The following PARVA variants were observed in gnomAD, a reference collection of about 807,000 sequenced individuals.
PARVA encodes the protein parvin alpha.
PARVA carries 25 observed loss-of-function variants against 52.6 expected under a neutral mutation model. The ratio of observed to expected loss-of-function variants is 0.48; its 90% CI spans 0.35 to 0.66. The LOEUF (loss-of-function observed/expected upper bound fraction) is 0.66, where lower values mean the gene tolerates loss of function less well. Ranked by LOEUF, PARVA falls within the 30% of genes least tolerant of loss-of-function variation. The probability of loss-of-function intolerance (pLI) is 0.01; values close to 1 mark genes in which losing one functional copy is unlikely to be tolerated. For synonymous variants in PARVA, 185 were observed against 179.1 expected (o/e 1.03, Z -0.26); for missense variants, 373 against 450.9 (o/e 0.83, Z 1.56).
At chr11:12,431,578 C>G (rs1274618243) in intron 1 of PARVA, among the ~76,000 whole-genome samples, 2 of 152,244 alleles carry the variant, frequency 1.3e-5, no homozygotes, top group African/African-American at 4.8e-5. Context: ...TTCCCACACC[C>G]TAGGTCTTTT....
chr11:12,518,610 T>C (rs1355232046), intron 12 of PARVA, 93 bp downstream of exon 12: 12 of 932,968 alleles, frequency 1.3e-5, no homozygotes, highest in Non-Finnish European at 2.1e-5. Flanking sequence ...AAGCATTTTC[T>C]GAAGCCTTCG....
At chr11:12,459,296 T>C (rs558823420) in intron 1 of PARVA, among the ~76,000 whole-genome samples, 1 of 151,970 alleles carries the variant, frequency 6.6e-6, no homozygotes, top group East Asian at 1.9e-4. Context: ...TCCCAGCTAC[T>C]CAGGAGGTTA....
intron 1 of PARVA, among the ~76,000 whole-genome samples, chr11:12,394,216 C>T (rs1273551460): frequency 6.6e-6 from 1 of 152,056 alleles, no homozygotes; most frequent in Non-Finnish European, 1.5e-5. Context: ...GCTTGGAATG[C>T]CCCCACACAA....
intron 4 of PARVA, among the ~76,000 whole-genome samples, chr11:12,483,540 C>T (rs1398173662): frequency 6.6e-6 from 1 of 152,186 alleles, no homozygotes; most frequent in Non-Finnish European, 1.5e-5. Flanking sequence ...GCTCCTTTCC[C>T]CCTGTGGTTG....
intron 4 of PARVA, among the ~76,000 whole-genome samples, chr11:12,485,857 C>T (rs1415590004): frequency 1.3e-5 from 2 of 152,104 alleles, no homozygotes; most frequent in Admixed American, 6.5e-5. Flanking sequence ...CCTCCCCAGC[C>T]TACCCATGAG....
chr11:12,402,855 G>A (rs78094083), intron 1 of PARVA, among the ~76,000 whole-genome samples: 5 of 152,198 alleles, frequency 3.3e-5, no homozygotes, highest in South Asian at 2.1e-4. Context: ...TCTCATTTTC[G>A]TACTCGGAGT....
intron 7 of PARVA, among the ~76,000 whole-genome samples, chr11:12,510,700 G>A (rs1941493593): frequency 6.6e-6 from 1 of 152,132 alleles, no homozygotes; most frequent in South Asian, 2.1e-4. Context: ...AGCAAAAGAG[G>A]AAATCCTGAT....
At chr11:12,414,383 CTT>C (rs146370902) in intron 1 of PARVA, among the ~76,000 whole-genome samples, 4,793 of 152,272 alleles carry the variant, frequency 0.031, 249 homozygotes, top group African/African-American at 0.11. Flanking sequence ...AAATGCGAAA[CTT>C]TTGTGTTAGC....
chr11:12,510,579 G>A (rs915637971), intron 7 of PARVA, among the ~76,000 whole-genome samples: 1 of 133,436 alleles, frequency 7.5e-6, no homozygotes, highest in Non-Finnish European at 1.6e-5. Flanking sequence ...GAAAAATGGT[G>A]AAAAATGGTT....
chr11:12,441,386 A>G (rs533406506), intron 1 of PARVA, among the ~76,000 whole-genome samples: 1 of 152,064 alleles, frequency 6.6e-6, no homozygotes, highest in East Asian at 1.9e-4. Flanking sequence ...ATCACTCTCC[A>G]AGTGAGATCA....
intron 1 of PARVA, among the ~76,000 whole-genome samples, chr11:12,380,626 C>T (rs112891340): frequency 7.3e-5 from 11 of 150,824 alleles, no homozygotes; most frequent in South Asian, 4.2e-4. Flanking sequence ...ACAGTGGGGA[C>T]GGTGGAAATG....
At chr11:12,449,464 T>TA (rs1564849935) in intron 1 of PARVA, among the ~76,000 whole-genome samples, 1 of 152,178 alleles carries the variant, frequency 6.6e-6, no homozygotes, top group Admixed American at 6.5e-5. Flanking sequence ...TGGCGGGACA[T>TA]ACATTTAAAA....
rs115171508 is a variant in PARVA at position 12,411,723 on chromosome 11, C to T, written c.136+33940C>T. Among the ~76,000 whole-genome samples the T allele has an allele frequency of 1.9e-3, 292 of 152,272 alleles. 2 individuals carry two copies. The highest frequency in any genetic ancestry group is 6.8e-3 in the African/African-American group (282 of 41,548). On this transcript the variant is annotated intron_variant, in intron 1 of 12. Coordinates refer to ENST00000334956, the MANE Select transcript of PARVA (RefSeq NM_018222.5). ...AAAGTTAGCAGATTATGGATGACCA[C>T]TCCAGTTTTCCCTTGGTCTCAGCAT... is the stretch of plus-strand genomic sequence containing the variant.
intron 1 of PARVA, among the ~76,000 whole-genome samples, chr11:12,399,305 G>A (rs922015683): frequency 1.3e-5 from 2 of 152,140 alleles, no homozygotes; most frequent in Non-Finnish European, 2.9e-5. Flanking sequence ...TTTTCCCACA[G>A]TGCTACTACC....
chr11:12,489,230 T>A (rs1376403478), intron 4 of PARVA, among the ~76,000 whole-genome samples: 2 of 150,418 alleles, frequency 1.3e-5, no homozygotes, highest in East Asian at 3.9e-4. Context: ...GTTTAATATG[T>A]CAAAATAAAT....
chr11:12,512,425 G>A (rs1941513488), intron 8 of PARVA, among the ~76,000 whole-genome samples: 1 of 152,162 alleles, frequency 6.6e-6, no homozygotes, highest in South Asian at 2.1e-4. Context: ...TGCCAGAGTT[G>A]GAAAAGGCAG....
intron 1 of PARVA, among the ~76,000 whole-genome samples, chr11:12,470,811 T>C (rs1047862049): frequency 1.3e-5 from 2 of 152,128 alleles, no homozygotes; most frequent in Admixed American, 6.5e-5. Flanking sequence ...AGTGGGAGAA[T>C]GTATGATCCT....
chr11:12,496,378 G>A (rs1034394324), intron 4 of PARVA, 80 bp from the exon 5 acceptor site: 39 of 1,430,546 alleles, frequency 2.7e-5, no homozygotes, highest in East Asian at 7.2e-5. Flanking sequence ...ATGAGAGACC[G>A]AATAACTGAG....
At chr11:12,425,477 C>G (rs999277607) in intron 1 of PARVA, among the ~76,000 whole-genome samples, 1 of 152,166 alleles carries the variant, frequency 6.6e-6, no homozygotes, top group Admixed American at 6.5e-5. Context: ...TCCTCATTGC[C>G]TCTTCCCAAC....
Sources: gnomAD v4.1 joint callset for allele counts (sites outside exome capture counted in the v4.1 genomes callset) on GRCh38, gnomAD v4.1.1 for gene constraint, MANE v1.5 for transcripts, NCBI Gene and HGNC (gene_info 2026-07-23, HGNC 2026-07-21) for gene names.